Variants in HIRA observed in about 807,000 individuals in gnomAD.
HIRA encodes the protein histone cell cycle regulator, also known as protein HIRA.
A neutral mutation model predicts 126.6 loss-of-function variants in HIRA; 13 were observed. The ratio of observed to expected loss-of-function variants is 0.10; its 90% confidence interval spans 0.07 to 0.16. The LOEUF (loss-of-function observed/expected upper bound fraction) is 0.16. HIRA is among the 10% of genes least tolerant of loss of function. The pLI is 1.00. For missense variants in HIRA, 834 were observed against 1,314.4 expected (o/e 0.63, Z 5.65); for synonymous variants, 511 against 520.0 (o/e 0.98, Z 0.24).
chr22:19,377,191 G>A, intron 14 of HIRA, among the ~76,000 whole-genome samples: 1 of 152,140 alleles, frequency 6.6e-6, no homozygotes, highest in East Asian at 1.9e-4. Flanking sequence ...TCTATCCAGG[G>A]GACCTGAGGG....
At chr22:19,400,436 G>C (rs2089258520) in intron 5 of HIRA, among the ~76,000 whole-genome samples, 1 of 152,124 alleles carries the variant, frequency 6.6e-6, no homozygotes, top group Non-Finnish European at 1.5e-5. Context: ...AACTTCTTAG[G>C]TATACTGTAG....
chr22:19,387,827 T>G lies in HIRA; in HGVS notation c.1008-11A>C, dbSNP rs1314858254. 3.7e-6 allele frequency: 6 copies of G among 1,601,092 alleles called. No homozygotes were observed. Among genetic ancestry groups the G allele is most frequent in the Non-Finnish European group, 4.3e-6 (5 of 1,171,930 alleles). ...AGCCCATTCAGAGTCCTGAAAGACA[T>G]GGCCATCAGCAGCCTGGTAGCAAGA... is the stretch of plus-strand genomic sequence containing the variant. On this transcript the variant is annotated splice_polypyrimidine_tract_variant and intron_variant, in intron 10 of 24. Coordinates refer to ENST00000263208, the MANE Select transcript of HIRA (RefSeq NM_003325.4).
chr22:19,405,727 G>A, intron 5 of HIRA, 59 bp downstream of exon 5: 1 of 1,218,848 alleles, frequency 8.2e-7, no homozygotes, highest in Non-Finnish European at 1.1e-6. Context: ...ACGTGGCGGT[G>A]CTGCTGATCT....
chr22:19,396,455 G>A (rs1692730286), intron 7 of HIRA, among the ~76,000 whole-genome samples: 1 of 152,262 alleles, frequency 6.6e-6, no homozygotes, highest in African/African-American at 2.4e-5. Context: ...GGCGGAGGTT[G>A]CAGTGAGCTG....
At chr22:19,379,077 G>A (rs1207199253) in intron 13 of HIRA, among the ~76,000 whole-genome samples, 1 of 151,566 alleles carries the variant, frequency 6.6e-6, no homozygotes, top group Non-Finnish European at 1.5e-5. Flanking sequence ...GCCCAGGCTG[G>A]AGTGCAGTGG....
chr22:19,382,771 CTT>C (rs796469831), intron 13 of HIRA, among the ~76,000 whole-genome samples: 83 of 102,022 alleles, frequency 8.1e-4, no homozygotes, highest in African/African-American at 1.7e-3. Context: ...ATTTTTCTTT[CTT>C]TTTTTTTTTT....
intron 1 of HIRA, among the ~76,000 whole-genome samples, chr22:19,418,898 A>C (rs2089421302): frequency 6.6e-6 from 1 of 151,576 alleles, no homozygotes; most frequent in Admixed American, 6.6e-5. Context: ...ATTCGGTGTG[A>C]ATCTATAATC....
intron 19 of HIRA, 89 bp downstream of exon 19, chr22:19,356,801 T>C: frequency 7.5e-7 from 1 of 1,335,392 alleles, no homozygotes. Context: ...CCTTGTCCAC[T>C]GCCTTCCCTG....
At chr22:19,385,916 G>A (rs556435501) in intron 11 of HIRA, among the ~76,000 whole-genome samples, 180 bp from the exon 12 acceptor site, 14 of 152,302 alleles carry the variant, frequency 9.2e-5, no homozygotes, top group Non-Finnish European at 1.8e-4. Context: ...CTCTGTTGAT[G>A]TCTCATGCCC....
intron 24 of HIRA, among the ~76,000 whole-genome samples, chr22:19,339,472 C>T (rs1210699): frequency 0.97 from 147,549 of 152,198 alleles, 71,595 homozygotes; most frequent in African/African-American, 0.99. Flanking sequence ...CCGTCTCTAT[C>T]AAAAATAGAA....
rs2088805950 is a variant in HIRA at position 19,355,770 on chromosome 22, G to C, written c.2551C>G (p.Leu851Val). ...DGKAYCFNPS[L>V]STWNLVSDKQ... ...GGTCAGCTTGCTTACCATGTGGAAA[G>C]TGACGGATTAAAGCAGTACGCCTTC... The change falls in exon 21 of 25, where the codon CTT becomes GTT. Residue 851 changes from leucine (L) to valine (V), a missense_variant. Coordinates refer to ENST00000263208, the MANE Select transcript of HIRA (RefSeq NM_003325.4). The C allele has an allele frequency of 1.2e-6, 2 of 1,611,992 alleles. No individual in the cohort carries two copies. Among genetic ancestry groups the C allele is most frequent in the East Asian group, 4.5e-5 (2 of 44,868 alleles).
intron 24 of HIRA, among the ~76,000 whole-genome samples, chr22:19,350,851 C>T (rs1477873123): frequency 6.6e-6 from 1 of 152,058 alleles, no homozygotes; most frequent in Non-Finnish European, 1.5e-5. Context: ...ACACTTTCTC[C>T]AGGTCTCTGT....
intron 1 of HIRA, among the ~76,000 whole-genome samples, chr22:19,414,982 G>C (rs1313931459): frequency 6.6e-5 from 10 of 151,208 alleles, no homozygotes; most frequent in Admixed American, 6.6e-4. Context: ...ATCTCACTCT[G>C]TCACCCAGGC....
At chr22:19,340,319 A>C (rs965622190) in intron 24 of HIRA, among the ~76,000 whole-genome samples, 1 of 152,126 alleles carries the variant, frequency 6.6e-6, no homozygotes, top group Non-Finnish European at 1.5e-5. Flanking sequence ...AAAATCTAGC[A>C]TGCCTTCGAT....
At chr22:19,423,646 A>G (rs752116864) in intron 1 of HIRA, among the ~76,000 whole-genome samples, 1 of 152,132 alleles carries the variant, frequency 6.6e-6, no homozygotes, top group Non-Finnish European at 1.5e-5. Context: ...TGGACCTCAA[A>G]TAAGGCCTGC....
At chr22:19,408,791 G>C (rs141549409) in intron 2 of HIRA, among the ~76,000 whole-genome samples, 198 bp from the exon 3 acceptor site, 52 of 152,254 alleles carry the variant, frequency 3.4e-4, no homozygotes, top group Non-Finnish European at 6.0e-4. Context: ...GAAACGGAGC[G>C]GACTTAGCAG....
chr22:19,391,009 T>G (rs1033000389), intron 9 of HIRA, among the ~76,000 whole-genome samples: 1 of 152,062 alleles, frequency 6.6e-6, no homozygotes, highest in Non-Finnish European at 1.5e-5. Flanking sequence ...TACTCATAAA[T>G]GAAAACGTAC....
chr22:19,389,955 T>G (rs999791214), intron 9 of HIRA, among the ~76,000 whole-genome samples: 2 of 151,142 alleles, frequency 1.3e-5, no homozygotes, highest in Non-Finnish European at 2.9e-5. Context: ...ACCCAGAACT[T>G]CCAACTTGCT....
At chr22:19,359,667 C>T (rs1378040349) in intron 17 of HIRA, among the ~76,000 whole-genome samples, 183 bp from the exon 18 acceptor site, 3 of 152,214 alleles carry the variant, frequency 2.0e-5, no homozygotes, top group Non-Finnish European at 4.4e-5. Flanking sequence ...GAGGGCCAGA[C>T]ATGTGGCCCC....
Sources: allele counts gnomAD v4.1 joint callset (sites outside exome capture counted in the v4.1 genomes callset), GRCh38; gene constraint gnomAD v4.1.1; transcripts MANE v1.5; gene names NCBI Gene and HGNC (gene_info 2026-07-23, HGNC 2026-07-21).